TRIM33: variants seen among roughly 807,000 people sequenced by gnomAD.
TRIM33 encodes tripartite motif containing 33.
TRIM33 carries 20 observed loss-of-function variants against 125.4 expected under a neutral mutation model. The ratio of observed to expected loss-of-function variants is 0.16; its 90% CI spans 0.11 to 0.23. TRIM33 has a LOEUF of 0.23. TRIM33 is among the 10% of genes least tolerant of loss of function. The pLI, the probability that TRIM33 is intolerant of heterozygous loss-of-function variation, is 1.00. For synonymous variants in TRIM33, 564 were observed against 513.9 expected (o/e 1.10, Z -1.32); for missense variants, 920 against 1,411.4 (o/e 0.65, Z 5.58).
At chr1:114,422,793 A>C (rs1188963117) in intron 10 of TRIM33, among the ~76,000 whole-genome samples, 1 of 152,232 alleles carries the variant, frequency 6.6e-6, no homozygotes, top group Non-Finnish European at 1.5e-5. Flanking sequence ...CACTGACAAA[A>C]AGTTTTTAAA....
At chr1:114,407,255 G>A (rs1444349834) in intron 13 of TRIM33, among the ~76,000 whole-genome samples, 155 bp from the exon 14 acceptor site, 2 of 152,144 alleles carry the variant, frequency 1.3e-5, no homozygotes, top group Non-Finnish European at 2.9e-5. Context: ...AGGGGAATGT[G>A]GTATAAAGCC....
chr1:114,434,074 T>C (rs757887346), intron 4 of TRIM33, among the ~76,000 whole-genome samples: 55 of 152,174 alleles, frequency 3.6e-4, no homozygotes, highest in Admixed American at 1.3e-4. Context: ...TTATAGAAAA[T>C]ACTATAAAAG....
chr1:114,501,691 C>A (rs1027903054), intron 1 of TRIM33, among the ~76,000 whole-genome samples: 2 of 152,160 alleles, frequency 1.3e-5, no homozygotes, highest in African/African-American at 4.8e-5. Flanking sequence ...CTTCAACCTA[C>A]ATCATCAACA....
chr1:114,496,273 G>A (rs1652361629), intron 1 of TRIM33, among the ~76,000 whole-genome samples: 1 of 152,214 alleles, frequency 6.6e-6, no homozygotes, highest in African/African-American at 2.4e-5. Context: ...AATGAGTTGT[G>A]TAATTTGAAT....
At chr1:114,491,714 G>A (rs1471084239) in intron 1 of TRIM33, among the ~76,000 whole-genome samples, 2 of 152,128 alleles carry the variant, frequency 1.3e-5, no homozygotes, top group Non-Finnish European at 2.9e-5. Context: ...TGAGGTGAAA[G>A]GATCACTTGA....
At chr1:114,415,385 A>G (rs1652872086) in intron 11 of TRIM33, among the ~76,000 whole-genome samples, 1 of 152,176 alleles carries the variant, frequency 6.6e-6, no homozygotes, top group Non-Finnish European at 1.5e-5. Flanking sequence ...TATCATCTAC[A>G]GTATACCTAA....
chr1:114,488,785 A>C (rs1311970848), intron 1 of TRIM33, among the ~76,000 whole-genome samples: 1 of 152,108 alleles, frequency 6.6e-6, no homozygotes, highest in Non-Finnish European at 1.5e-5. Flanking sequence ...ACCAAAAAAA[A>C]TTCAAGGGAT....
At chr1:114,414,461 G>A (rs1482607395) in intron 11 of TRIM33, among the ~76,000 whole-genome samples, 1 of 152,084 alleles carries the variant, frequency 6.6e-6, no homozygotes, top group Non-Finnish European at 1.5e-5. Context: ...AAAGTGCCCA[G>A]TTCCTTCAGA....
chr1:114,473,526 GGAAATCGGAAT>G, intron 1 of TRIM33, among the ~76,000 whole-genome samples: 2 of 152,210 alleles, frequency 1.3e-5, no homozygotes, highest in South Asian at 4.1e-4. Flanking sequence ...TGGCAGAGCA[GGAAATCGGAAT>G]GAATCAGGGT....
chr1:114,488,533 G>A (rs187751874), intron 1 of TRIM33, among the ~76,000 whole-genome samples: 1 of 152,300 alleles, frequency 6.6e-6, no homozygotes, highest in Admixed American at 6.5e-5. Context: ...AGAGGCTGAG[G>A]CGGGAGGACC....
chr1:114,424,885 T>C, intron 9 of TRIM33, 130 bp from the exon 10 acceptor site: 1 of 653,488 alleles, frequency 1.5e-6, no homozygotes, highest in Non-Finnish European at 2.3e-6. Flanking sequence ...ATAATTCTTA[T>C]CGCTAGCCCC....
chr1:114,438,187 A>G (rs987576146), intron 4 of TRIM33, among the ~76,000 whole-genome samples: 1 of 152,232 alleles, frequency 6.6e-6, no homozygotes, highest in Admixed American at 6.5e-5. Context: ...CAAGTGATAC[A>G]GTACTATTCT....
intron 1 of TRIM33, among the ~76,000 whole-genome samples, chr1:114,464,864 T>A (rs370196491): frequency 6.6e-6 from 1 of 151,948 alleles, no homozygotes; most frequent in Non-Finnish European, 1.5e-5. Flanking sequence ...ATGCACTTTA[T>A]AGATGAAGGA....
At chr1:114,468,654 G>T in intron 1 of TRIM33, 1 of 436,814 alleles carries the variant, frequency 2.3e-6, no homozygotes, top group South Asian at 1.7e-5. Context: ...AGCTGAACCA[G>T]AGTATGACCT....
chr1:114,404,057 C>A (rs777672007), intron 15 of TRIM33, among the ~76,000 whole-genome samples: 3 of 152,214 alleles, frequency 2.0e-5, no homozygotes, highest in Non-Finnish European at 2.9e-5. Flanking sequence ...CTCCCTCTCT[C>A]TATATAAACA....
At chr1:114,482,328 AAAG>A (rs1322329046) in intron 1 of TRIM33, among the ~76,000 whole-genome samples, 2 of 152,204 alleles carry the variant, frequency 1.3e-5, no homozygotes, top group African/African-American at 4.8e-5. Context: ...TAAGCTCGAA[AAAG>A]AAGACCAAAT....
rs892079879 is a variant in TRIM33 at position 114,394,272 on chromosome 1, G to T, written c.*3376C>A. 4.4e-5 allele frequency: 10 copies of T among 228,958 alleles called. No individual in the cohort carries two copies. Among genetic ancestry groups the T allele is most frequent in the African/African-American group, 2.0e-4 (9 of 45,058 alleles). 14.2% of individuals were successfully genotyped at this position (228,958 alleles called of 1,614,324 possible). On this transcript the variant is annotated 3_prime_UTR_variant, in exon 20 of 20. Transcript: ENST00000358465. ...ATATTTCACATGTTGTACATGAATG[G>T]GGGTGGATATGGGACGTAAAAGCCA...
At chr1:114,424,154 AAATAAT>A (rs959862236) in intron 10 of TRIM33, among the ~76,000 whole-genome samples, 4 of 152,166 alleles carry the variant, frequency 2.6e-5, no homozygotes, top group East Asian at 3.9e-4. Context: ...AGGTAAAAAA[AAATAAT>A]AATAATAATA....
intron 14 of TRIM33, among the ~76,000 whole-genome samples, chr1:114,406,462 TA>T (rs1372701433): frequency 6.6e-6 from 1 of 152,192 alleles, no homozygotes; most frequent in Admixed American, 6.5e-5. Flanking sequence ...AGAAATTTTA[TA>T]AATGTTCCAC....
Sources: gnomAD v4.1 joint callset for allele counts (sites outside exome capture counted in the v4.1 genomes callset) on GRCh38, gnomAD v4.1.1 for gene constraint, MANE v1.5 for transcripts, NCBI Gene and HGNC (gene_info 2026-07-23, HGNC 2026-07-21) for gene names.